Variants in CLSTN2 observed in about 807,000 individuals in gnomAD.
CLSTN2 encodes calsyntenin-2.
CLSTN2 carries 48 observed loss-of-function variants against 101.2 expected under a neutral mutation model. That is an observed-to-expected ratio of 0.47 (90% CI 0.38 to 0.60). The LOEUF is 0.60. Among genes scored for constraint, CLSTN2 ranks in the 20% least tolerant of loss-of-function variants. The pLI is 0.00. For synonymous variants in CLSTN2, 481 were observed against 463.6 expected, an observed-to-expected ratio of 1.04 and a Z score of -0.48; for missense variants, 1,160 against 1,238.2, an observed-to-expected ratio of 0.94 and a Z score of 0.95.
At chr3:140,151,929 G>A (rs1576447026) in intron 1 of CLSTN2, among the ~76,000 whole-genome samples, 1 of 152,270 alleles carries the variant, frequency 6.6e-6, no homozygotes, top group South Asian at 2.1e-4. Context: ...ACTGATGGAA[G>A]AAGGGAGGAG....
chr3:140,368,852 T>C (rs1383094144), intron 2 of CLSTN2, among the ~76,000 whole-genome samples: 1 of 152,242 alleles, frequency 6.6e-6, no homozygotes, highest in African/African-American at 2.4e-5. Flanking sequence ...CTATTCATTT[T>C]ATGTGAACAT....
Position 139,935,481 on chromosome 3 carries a change from A to T in CLSTN2, c.107A>T (p.Lys36Ile), listed in dbSNP as rs1935003384. 2.4e-6 allele frequency: 3 copies of T among 1,226,774 alleles called. No homozygotes were observed. Among genetic ancestry groups the T allele is most frequent in the Admixed American group, 4.2e-5 (1 of 23,684 alleles). 76.0% of individuals were successfully genotyped at this position (1,226,774 alleles called of 1,614,324 possible). Residue 36 changes from lysine (K) to isoleucine (I), a missense_variant and splice_region_variant, in exon 1 of 17, where the codon AAA (lysine) becomes ATA (isoleucine). Physicochemically the swap from Lys to Ile is moderately radical, Grantham distance 102 (BLOSUM62 -3). Transcript: ENST00000458420. The surrounding 1 kb of genome is among the most constrained non-coding windows in gnomAD (Gnocchi z 5.5). Reference protein sequence around the residue: ...DSRQRRLLAAKVNKHKPWIET... With the variant: ...DSRQRRLLAAIVNKHKPWIET... Reference sequence around the variant, plus strand: ...CGGCAGCGCCGCCTCCTCGCGGCTAAAGGTGGGTGCTGGGGAAGTTTGCTC... The same window carrying T: ...CGGCAGCGCCGCCTCCTCGCGGCTATAGGTGGGTGCTGGGGAAGTTTGCTC...
intron 2 of CLSTN2, among the ~76,000 whole-genome samples, chr3:140,245,802 T>C (rs1431149485): frequency 1.3e-5 from 2 of 152,240 alleles, no homozygotes; most frequent in African/African-American, 4.8e-5. Context: ...CCAGTCTTCC[T>C]GACTTCAGGG....
At chr3:140,306,261 C>T (rs777901824) in intron 2 of CLSTN2, among the ~76,000 whole-genome samples, 6 of 152,236 alleles carry the variant, frequency 3.9e-5, no homozygotes, top group Non-Finnish European at 5.9e-5. Flanking sequence ...CATCAATAGT[C>T]TGCCACCCAA....
At chr3:140,427,004 GTCT>G (rs1428233108) in intron 5 of CLSTN2, among the ~76,000 whole-genome samples, 3 of 151,424 alleles carry the variant, frequency 2.0e-5, no homozygotes, top group African/African-American at 7.3e-5. Context: ...GCGAATCCCT[GTCT>G]CTACTGAAAA....
intron 8 of CLSTN2, among the ~76,000 whole-genome samples, chr3:140,521,743 G>T (rs994115150): frequency 6.6e-6 from 1 of 152,212 alleles, no homozygotes; most frequent in Non-Finnish European, 1.5e-5. Context: ...CTGAACCAAA[G>T]AAATGACGGT....
intron 8 of CLSTN2, among the ~76,000 whole-genome samples, chr3:140,484,061 T>A (rs1030861394): frequency 6.6e-6 from 1 of 152,244 alleles, no homozygotes; most frequent in Non-Finnish European, 1.5e-5. Context: ...CTAGCCTTGA[T>A]GGTCTTTACA....
At chr3:140,240,950 G>A (rs1452372308) in intron 2 of CLSTN2, among the ~76,000 whole-genome samples, 2 of 152,114 alleles carry the variant, frequency 1.3e-5, no homozygotes, top group Non-Finnish European at 2.9e-5. Context: ...GGAGTGGCAT[G>A]TATCGACCAT....
chr3:140,269,624 G>A (rs560867229), intron 2 of CLSTN2, among the ~76,000 whole-genome samples: 8 of 152,292 alleles, frequency 5.3e-5, no homozygotes, highest in South Asian at 2.1e-4. Flanking sequence ...AAAAGCTTTC[G>A]ATATTATTGA....
chr3:140,462,405 G>T (rs922732003), intron 7 of CLSTN2, among the ~76,000 whole-genome samples: 1 of 152,100 alleles, frequency 6.6e-6, no homozygotes, highest in East Asian at 1.9e-4. Flanking sequence ...GAGTATTCTG[G>T]TATATACCTT....
intron 1 of CLSTN2, among the ~76,000 whole-genome samples, chr3:140,075,111 A>G (rs961810049): frequency 6.6e-6 from 1 of 152,232 alleles, no homozygotes; most frequent in Admixed American, 6.5e-5. Flanking sequence ...CACCAGAAGT[A>G]TATCAACTTT....
intron 2 of CLSTN2, among the ~76,000 whole-genome samples, chr3:140,239,048 A>G (rs2086438639): frequency 6.6e-6 from 1 of 152,184 alleles, no homozygotes; most frequent in Admixed American, 6.5e-5. Context: ...ACTTTTCTCA[A>G]ATGTACTTTT....
intron 2 of CLSTN2, among the ~76,000 whole-genome samples, chr3:140,267,411 T>A (rs546589588): frequency 6.6e-6 from 1 of 152,244 alleles, no homozygotes; most frequent in East Asian, 1.9e-4. Flanking sequence ...CAAACTCCAA[T>A]TCCTTGGTCT....
At chr3:140,217,682 A>G (rs111347592) in intron 2 of CLSTN2, among the ~76,000 whole-genome samples, 3 of 152,346 alleles carry the variant, frequency 2.0e-5, no homozygotes, top group African/African-American at 7.2e-5. Flanking sequence ...CATATATGAC[A>G]CATTTCTTCT....
rs541487407 is a variant in CLSTN2 at position 139,948,435 on chromosome 3, G to A, written c.109+12952G>A. Among the ~76,000 whole-genome samples the A allele has an allele frequency of 1.5e-4, 23 of 151,810 alleles. No homozygotes were observed. In the South Asian group the frequency reaches 3.6e-3, roughly 23 times the overall value. ...AGCCAAGATAGCGCCATTGCACTCCGGCTTGGGTGACAGAGCGACTCCATC... is the reference window on the plus strand; with the variant it reads ...AGCCAAGATAGCGCCATTGCACTCCAGCTTGGGTGACAGAGCGACTCCATC... On this transcript the variant is annotated intron_variant, in intron 1 of 16. Transcript: ENST00000458420.
At chr3:140,327,545 T>A (rs2087344056) in intron 2 of CLSTN2, among the ~76,000 whole-genome samples, 1 of 152,172 alleles carries the variant, frequency 6.6e-6, no homozygotes, top group Non-Finnish European at 1.5e-5. Context: ...GAAAGGGAAT[T>A]GGGGAAAACC....
chr3:140,547,119 G>A (rs1258862031), intron 10 of CLSTN2, among the ~76,000 whole-genome samples: 1 of 152,202 alleles, frequency 6.6e-6, no homozygotes, highest in Non-Finnish European at 1.5e-5. Flanking sequence ...CCTGGGTGAG[G>A]TAGAATGAGA....
rs149526690 is a variant in CLSTN2 at position 140,290,856 on chromosome 3, T to C, written c.233-112773T>C. Among the ~76,000 whole-genome samples, 601 of 152,318 alleles carry C rather than the reference T, an allele frequency of 3.9e-3. 7 individuals carry two copies. The highest frequency in any genetic ancestry group is 0.014 in the African/African-American group (571 of 41,580). ...AGCTCCTTTACCATCCTTCCTTTAGTGGAAGCAATGTCCTCATGCCTTTCA... is the reference window on the plus strand; with the variant it reads ...AGCTCCTTTACCATCCTTCCTTTAGCGGAAGCAATGTCCTCATGCCTTTCA... On this transcript the variant is annotated intron_variant, in intron 2 of 16. Coordinates refer to ENST00000458420, the MANE Select transcript of CLSTN2 (RefSeq NM_022131.3).
At chr3:140,268,250 G>C (rs556495351) in intron 2 of CLSTN2, among the ~76,000 whole-genome samples, 2 of 152,190 alleles carry the variant, frequency 1.3e-5, no homozygotes, top group East Asian at 3.9e-4. Flanking sequence ...CAGAGGGCTG[G>C]GCCAGGAGTA....
Sources: gnomAD v4.1 joint callset for allele counts (sites outside exome capture counted in the v4.1 genomes callset) on GRCh38, gnomAD v4.1.1 for gene constraint, Gnocchi (gnomAD v3.1) non-coding constraint, MANE v1.5 for transcripts, NCBI Gene and HGNC (gene_info 2026-07-23, HGNC 2026-07-21) for gene names.